WDR20: variants seen among roughly 807,000 people sequenced by gnomAD.
The protein encoded by WDR20 is WD repeat domain 20.
In WDR20, 3 loss-of-function variants were observed where a neutral mutation model predicts 38.7. The observed-to-expected ratio is 0.08, with a 90% CI of 0.04 to 0.20. The LOEUF (loss-of-function observed/expected upper bound fraction) is 0.20. WDR20 is among the 10% of genes least tolerant of loss of function. The pLI, the probability that WDR20 is intolerant of heterozygous loss-of-function variation, is 1.00. For synonymous variants in WDR20, 298 were observed against 285.6 expected (o/e 1.04, Z -0.44); for missense variants, 559 against 727.7 (o/e 0.77, Z 2.67).
chr14:102,210,562 C>G (rs1197336674), downstream of WDR20: 15 of 985,118 alleles, frequency 1.5e-5, no homozygotes, highest in Non-Finnish European at 1.8e-5. Flanking sequence ...GTTCTGTGTA[C>G]TAAGATACCC....
At chr14:102,165,636 C>CTT (rs398026421) in intron 1 of WDR20, among the ~76,000 whole-genome samples, 13 of 129,374 alleles carry the variant, frequency 1.0e-4, no homozygotes, top group East Asian at 2.2e-4. Context: ...CTTTTCTTTT[C>CTT]TTTTTTTTTT....
chr14:102,154,864 G>A (rs2056993515), intron 1 of WDR20, among the ~76,000 whole-genome samples: 1 of 152,156 alleles, frequency 6.6e-6, no homozygotes, highest in African/African-American at 2.4e-5. Context: ...GGTAAGGTCA[G>A]GCAGTCATTT....
In WDR20 at chr14:102,207,586, A is replaced by C. The variant is rs961823098; in HGVS notation, c.433-1017A>C. 2.6e-5 allele frequency among the ~76,000 whole-genome samples: 4 copies of C among 152,158 alleles called. No individual in the cohort carries two copies. The highest frequency in any genetic ancestry group is 9.7e-5 in the African/African-American group (4 of 41,446). On this transcript the variant is annotated intron_variant, in intron 2 of 2. Transcript: ENST00000342702. The surrounding 1 kb of genome is among the most constrained non-coding windows in gnomAD (Gnocchi z 5.0). ...TGTTACTGGGGCGATGGTGCAGTGG[A>C]GAGCACTTGGCAGTAGGAGCTTCTA...
chr14:102,157,432 T>G lies in WDR20; in HGVS notation c.249+17260T>G, dbSNP rs535777862. On this transcript the variant is annotated intron_variant, in intron 1 of 2. Transcript: ENST00000342702. ...CTTTTAGCTCCATGAAGAGCTCTCT[T>G]GTGGTACTTTCACTCAGCAGTTGCT... 5.3e-5 allele frequency: 8 copies of G among 152,272 alleles called. No individual in the cohort carries two copies. The South Asian group carries it at 1.7e-3, about 32-fold the overall frequency. The allele number at this position is 152,272 out of a possible 1,614,324, so 9.4% of individuals were successfully genotyped here. A position where few individuals can be genotyped will look rare whatever the true frequency, so the allele number is the denominator to read the frequency against.
In WDR20 at chr14:102,195,058, G is replaced by T; in HGVS notation, c.370G>T (p.Ala124Ser). ...ESVSLLVGFS[A>S]GQVQLIDPIK... ...TGTCTCTCTCCTAGTGGGCTTTTCC[G>T]CAGGCCAAGTCCAGCTTATAGACCC... The change falls in exon 2 of 3, where the codon GCA becomes TCA. Residue 124 changes from alanine to serine, a missense_variant. Transcript: ENST00000342702. 2.5e-6 allele frequency: 4 copies of T among 1,614,138 alleles called. No individual in the cohort carries two copies. Among genetic ancestry groups the T allele is most frequent in the South Asian group, 1.1e-5 (1 of 91,084 alleles).
intron 2 of WDR20, among the ~76,000 whole-genome samples, chr14:102,201,620 C>A (rs866428904): frequency 0.013 from 2,011 of 152,276 alleles, 52 homozygotes; most frequent in African/African-American, 0.046. Flanking sequence ...ATGGGGAGGG[C>A]CGCGCTGAGC....
chr14:102,209,094 T>C lies in WDR20; in HGVS notation c.924T>C (p.Ser308=), dbSNP rs2062067225. ...GCCACGGGCACAAGTCCTGGGTCAG[T>C]GTTGTAGCGTTTGACCCTTATACCA... ...ARGHGHKSWV[S]VVAFDPYTTS... Residue 308 remains serine, a synonymous_variant, in exon 3 of 3, where the codon AGT becomes AGC. Coordinates refer to ENST00000342702, the MANE Select transcript of WDR20 (RefSeq NM_144574.4). The surrounding 1 kb of genome is among the most constrained non-coding windows in gnomAD (Gnocchi z 6.0). The C allele has an allele frequency of 6.2e-7, 1 of 1,614,022 alleles. No individual in the cohort carries two copies. Among genetic ancestry groups the C allele is most frequent in the African/African-American group, 1.3e-5 (1 of 74,904 alleles).
At chr14:102,185,359 A>G (rs1428172105) in intron 1 of WDR20, among the ~76,000 whole-genome samples, 1 of 152,182 alleles carries the variant, frequency 6.6e-6, no homozygotes, top group Non-Finnish European at 1.5e-5. Context: ...AATCTGGGCC[A>G]CACTGAGAAA....
At chr14:102,150,775 G>A (rs1376741896) in intron 1 of WDR20, among the ~76,000 whole-genome samples, 2 of 152,066 alleles carry the variant, frequency 1.3e-5, no homozygotes, top group Non-Finnish European at 2.9e-5. Context: ...ATGAGGTATG[G>A]GCCCTGACCT....
At chr14:102,202,372 GTTTTTTTTTTTTT>G (rs5811062) in intron 2 of WDR20, among the ~76,000 whole-genome samples, 6 of 67,632 alleles carry the variant, frequency 8.9e-5, no homozygotes, top group Admixed American at 4.7e-4. Context: ...CTGTATGGAG[GTTTTTTTTTTTTT>G]TTTTTTTTTT....
At position 102,220,183 on chromosome 14, in the gene WDR20, T is replaced by TG. The variant is rs2063728030; in HGVS notation, c.1693-2644dup. Among the ~76,000 whole-genome samples, 1 of 152,132 alleles carries TG rather than the reference T, an allele frequency of 6.6e-6. No homozygotes were observed. The highest frequency in any genetic ancestry group is 2.4e-5 in the African/African-American group (1 of 41,426). On this transcript the variant is annotated intron_variant, in intron 3 of 3. Coordinates refer to the WDR20 transcript ENST00000335263. This position sits in a 1 kb window ranked among gnomAD's most constrained non-coding sequence, Gnocchi z 4.2. ...CTGCGTCTCAGCAGCCGCCCTCCCCTGGGAGTGATGGAAAGCAGCCGAGTC... is the reference window on the plus strand; with the variant it reads ...CTGCGTCTCAGCAGCCGCCCTCCCCTGGGGAGTGATGGAAAGCAGCCGAGTC...
chr14:102,162,426 T>C (rs1404892491), intron 1 of WDR20, among the ~76,000 whole-genome samples: 6 of 152,164 alleles, frequency 3.9e-5, no homozygotes, highest in Non-Finnish European at 8.8e-5. Flanking sequence ...GAAGAAACCA[T>C]ATCTTATTGA....
chr14:102,203,107 A>G (rs2060812619), intron 2 of WDR20, among the ~76,000 whole-genome samples: 1 of 152,108 alleles, frequency 6.6e-6, no homozygotes, highest in African/African-American at 2.4e-5. Flanking sequence ...CCCACCTTGC[A>G]TTCTGCACCT....
intron 1 of WDR20, among the ~76,000 whole-genome samples, chr14:102,164,544 C>T (rs2059390624): frequency 6.6e-6 from 1 of 152,188 alleles, no homozygotes; most frequent in Admixed American, 6.5e-5. Context: ...TCTCACTGCT[C>T]TAATTTCTCC....
intron 1 of WDR20, among the ~76,000 whole-genome samples, chr14:102,142,928 C>G (rs1453045267): frequency 1.3e-5 from 2 of 152,000 alleles, no homozygotes; most frequent in African/African-American, 2.4e-5. Context: ...GAACTTAACT[C>G]ATTAATTACG....
In WDR20 at chr14:102,166,685, C is replaced by T. The variant is rs114053542; in HGVS notation, c.249+26513C>T. On this transcript the variant is annotated intron_variant, in intron 1 of 2. Coordinates refer to ENST00000342702, the MANE Select transcript of WDR20 (RefSeq NM_144574.4). ...TTCATTATCTCTATTTGTTTTTGCC[C>T]TAATTTTGTTTTGAGGATTGGACAG... is the stretch of plus-strand genomic sequence containing the variant. Among the ~76,000 whole-genome samples, 1,133 of 152,168 alleles carry T rather than the reference C, an allele frequency of 7.4e-3. 16 individuals are homozygous for T. Among genetic ancestry groups the T allele is most frequent in the African/African-American group, 0.026 (1,060 of 41,506 alleles).
At chr14:102,200,464 T>TG (rs751536637) in intron 2 of WDR20, among the ~76,000 whole-genome samples, 2,915 of 93,096 alleles carry the variant, frequency 0.031, 45 homozygotes, top group African/African-American at 0.043. Context: ...TAAATTTTTT[T>TG]TTTTGTGTGT....
intron 1 of WDR20, among the ~76,000 whole-genome samples, chr14:102,140,405 G>A (rs1237960867): frequency 2.6e-5 from 4 of 152,106 alleles, no homozygotes; most frequent in African/African-American, 9.7e-5. Context: ...GGGCGCGGGG[G>A]TTCTGGCTGG....
chr14:102,148,442 A>T (rs1262544306), intron 1 of WDR20, among the ~76,000 whole-genome samples: 3 of 151,742 alleles, frequency 2.0e-5, no homozygotes, highest in African/African-American at 7.3e-5. Context: ...CAGGTGGCTT[A>T]GGTGGGAGAA....
Sources: gnomAD v4.1 joint callset for allele counts (sites outside exome capture counted in the v4.1 genomes callset) on GRCh38, gnomAD v4.1.1 for gene constraint, Gnocchi (gnomAD v3.1) non-coding constraint, MANE v1.5 for transcripts, NCBI Gene and HGNC (gene_info 2026-07-23, HGNC 2026-07-21) for gene names.